The following KCND2 variants were observed in gnomAD, a reference collection of about 807,000 sequenced individuals.
The protein encoded by KCND2 is potassium voltage-gated channel subfamily D member 2.
Under a neutral mutation model 54.4 loss-of-function variants are expected in KCND2, and 16 were observed. That is an observed-to-expected ratio of 0.29 (90% CI 0.20 to 0.45). KCND2 has a LOEUF of 0.45. KCND2 is among the 20% of genes least tolerant of loss of function. The pLI is 1.00. For missense variants in KCND2, 486 were observed against 824.2 expected (o/e 0.59, Z 5.02); for synonymous variants, 317 against 310.7 (o/e 1.02, Z -0.21).
intron 1 of KCND2, among the ~76,000 whole-genome samples, chr7:120,392,595 T>G (rs1367707746): frequency 6.6e-6 from 1 of 151,910 alleles, no homozygotes; most frequent in Non-Finnish European, 1.5e-5. Context: ...ATTTTGGCCT[T>G]ATATTTACTT....
chr7:120,276,525 A>G (rs976980595), intron 1 of KCND2, among the ~76,000 whole-genome samples: 1 of 152,166 alleles, frequency 6.6e-6, no homozygotes, highest in Admixed American at 6.5e-5. Context: ...TACACATAGA[A>G]GATAGAGCAG....
chr7:120,670,083 A>T (rs1413418816), intron 1 of KCND2, among the ~76,000 whole-genome samples: 1 of 152,072 alleles, frequency 6.6e-6, no homozygotes, highest in African/African-American at 2.4e-5. Context: ...GGTGAACTAA[A>T]ATCTCAGAAA....
chr7:120,621,773 C>T (rs1288555778), intron 1 of KCND2, among the ~76,000 whole-genome samples: 14 of 151,980 alleles, frequency 9.2e-5, no homozygotes, highest in Admixed American at 7.9e-4. Flanking sequence ...AAACATTGCG[C>T]GTGTGAGAAG....
chr7:120,735,055 T>C lies in KCND2; in HGVS notation c.1278+1990T>C, dbSNP rs556797084. On this transcript the variant is annotated intron_variant, in intron 2 of 5. Transcript: ENST00000331113. ...CTTCCTTTAGCAAAGAATCACTTTT[T>C]CAAGCTCTGTAGTTACTTGCTTTAT... 5.9e-5 allele frequency among the ~76,000 whole-genome samples: 9 copies of C among 152,246 alleles called. No individual in the cohort carries two copies. The South Asian group carries it at 1.9e-3, about 32-fold the overall frequency.
intron 1 of KCND2, among the ~76,000 whole-genome samples, chr7:120,695,329 G>A (rs1792320489): frequency 1.3e-5 from 2 of 151,968 alleles, no homozygotes; most frequent in South Asian, 4.1e-4. Flanking sequence ...ACAACAAAAT[G>A]CAGAAAAAGT....
chr7:120,630,727 G>A (rs1178174312), intron 1 of KCND2, among the ~76,000 whole-genome samples: 1 of 152,096 alleles, frequency 6.6e-6, no homozygotes, highest in Non-Finnish European at 1.5e-5. Flanking sequence ...AAGGTATTGA[G>A]TCATGCTTTT....
intron 1 of KCND2, among the ~76,000 whole-genome samples, chr7:120,672,482 A>G (rs543594872): frequency 6.6e-6 from 1 of 152,196 alleles, no homozygotes; most frequent in South Asian, 2.1e-4. Context: ...GTTTTCTCCT[A>G]AGTAATCTAC....
chr7:120,617,109 A>G (rs1300790698), intron 1 of KCND2, among the ~76,000 whole-genome samples: 1 of 152,182 alleles, frequency 6.6e-6, no homozygotes. Context: ...GGTGTGCCGC[A>G]TGGGTAATTT....
intron 1 of KCND2, among the ~76,000 whole-genome samples, chr7:120,611,905 G>A (rs940848342): frequency 6.6e-6 from 1 of 152,174 alleles, no homozygotes; most frequent in Non-Finnish European, 1.5e-5. Flanking sequence ...ATGGTGTTTA[G>A]ACTCCACGGG....
chr7:120,329,569 T>C (rs964937372), intron 1 of KCND2, among the ~76,000 whole-genome samples: 1 of 152,152 alleles, frequency 6.6e-6, no homozygotes, highest in Non-Finnish European at 1.5e-5. Context: ...TAGTTGAAAA[T>C]TGAGGAATTT....
At chr7:120,582,058 C>T (rs1050137296) in intron 1 of KCND2, among the ~76,000 whole-genome samples, 6 of 152,036 alleles carry the variant, frequency 3.9e-5, no homozygotes, top group African/African-American at 9.7e-5. Flanking sequence ...GAAAGAAAAC[C>T]TTCAGTCCTT....
chr7:120,301,720 G>T (rs534975631), intron 1 of KCND2, among the ~76,000 whole-genome samples: 1 of 152,032 alleles, frequency 6.6e-6, no homozygotes, highest in Non-Finnish European at 1.5e-5. Context: ...TAAGAATTGT[G>T]CTTGAGTTGT....
intron 1 of KCND2, among the ~76,000 whole-genome samples, chr7:120,618,880 G>A (rs1793062384): frequency 6.6e-6 from 1 of 151,914 alleles, no homozygotes. Context: ...GTCTTACTGT[G>A]TTGCACAGGC....
At chr7:120,422,567 T>A (rs892679777) in intron 1 of KCND2, among the ~76,000 whole-genome samples, 2 of 152,216 alleles carry the variant, frequency 1.3e-5, no homozygotes, top group Non-Finnish European at 2.9e-5. Flanking sequence ...TTGCTGAAAC[T>A]ATCCACTGGG....
intron 1 of KCND2, among the ~76,000 whole-genome samples, chr7:120,687,178 C>T (rs116094087): frequency 0.021 from 3,262 of 152,202 alleles, 108 homozygotes; most frequent in African/African-American, 0.073. Context: ...CATGATTCCA[C>T]GTTCTTCTTC....
intron 1 of KCND2, among the ~76,000 whole-genome samples, chr7:120,663,344 A>G (rs748137867): frequency 1.1e-4 from 16 of 152,258 alleles, no homozygotes; most frequent in South Asian, 8.3e-4. Context: ...TTTTTTCACA[A>G]TGATTTTTAT....
intron 1 of KCND2, among the ~76,000 whole-genome samples, chr7:120,683,659 A>G (rs2116592979): frequency 6.6e-6 from 1 of 152,300 alleles, no homozygotes; most frequent in East Asian, 1.9e-4. Flanking sequence ...TGTGACTAAG[A>G]GGCCTGAAAA....
chr7:120,448,354 T>G (rs1802049728), intron 1 of KCND2, among the ~76,000 whole-genome samples: 1 of 152,336 alleles, frequency 6.6e-6, no homozygotes, highest in East Asian at 1.9e-4. Flanking sequence ...ACAAAGGACA[T>G]GAACTCATCC....
chr7:120,659,528 A>G (rs959399140), intron 1 of KCND2, among the ~76,000 whole-genome samples: 2 of 152,208 alleles, frequency 1.3e-5, no homozygotes, highest in African/African-American at 4.8e-5. Flanking sequence ...AATTACTGGC[A>G]AATGCATGGT....
Sources: allele counts gnomAD v4.1 joint callset (sites outside exome capture counted in the v4.1 genomes callset), GRCh38; gene constraint gnomAD v4.1.1; transcripts MANE v1.5; gene names NCBI Gene and HGNC (gene_info 2026-07-23, HGNC 2026-07-21).